NRXN3: variants seen among roughly 807,000 people sequenced by gnomAD.
NRXN3 encodes neurexin 3.
Under a neutral mutation model 137.6 loss-of-function variants are expected in NRXN3, and 32 were observed. That is an observed-to-expected ratio of 0.23 (90% CI 0.18 to 0.31). The LOEUF (loss-of-function observed/expected upper bound fraction) is 0.31, where lower values mean the gene tolerates loss of function less well. Ranked by LOEUF, NRXN3 falls within the 10% of genes least tolerant of loss-of-function variation. The pLI is 1.00. For missense variants in NRXN3, 1,574 were observed against 2,062.5 expected, an observed-to-expected ratio of 0.76 and a Z score of 4.59; for synonymous variants, 798 against 784.5, an observed-to-expected ratio of 1.02 and a Z score of -0.29.
intron 10 of NRXN3, among the ~76,000 whole-genome samples, chr14:78,921,144 T>C (rs1327040127): frequency 6.6e-6 from 1 of 152,236 alleles, no homozygotes; most frequent in African/African-American, 2.4e-5. Context: ...CCATGAGTTA[T>C]TTCATTAGGG....
chr14:79,658,423 G>A (rs221446), intron 16 of NRXN3, among the ~76,000 whole-genome samples: 36,889 of 152,024 alleles, frequency 0.24, 4,786 homozygotes, highest in Middle Eastern at 0.37. Context: ...TCAATGACCC[G>A]GAATGACAAA....
intron 4 of NRXN3, among the ~76,000 whole-genome samples, chr14:78,395,693 G>C (rs1295577939): frequency 1.3e-5 from 2 of 151,936 alleles, no homozygotes; most frequent in Admixed American, 1.3e-4. Context: ...TTGTTGTTTG[G>C]TACAGTTACA....
intron 17 of NRXN3, among the ~76,000 whole-genome samples, chr14:79,671,673 G>A (rs1483845447): frequency 2.0e-5 from 3 of 151,882 alleles, no homozygotes; most frequent in Admixed American, 2.0e-4. Context: ...GTTTTATCAA[G>A]GAAACTTCCT....
intron 15 of NRXN3, among the ~76,000 whole-genome samples, chr14:79,107,799 G>T (rs958010066): frequency 1.3e-5 from 2 of 152,128 alleles, no homozygotes; most frequent in Non-Finnish European, 2.9e-5. Flanking sequence ...AGATGGAGAA[G>T]ACTGGGGTAG....
intron 10 of NRXN3, among the ~76,000 whole-genome samples, chr14:78,845,906 G>T (rs1198269820): frequency 1.8e-5 from 1 of 56,652 alleles, no homozygotes; most frequent in East Asian, 6.1e-4. Flanking sequence ...GTATGTTGGG[G>T]TGTGTGTGTG....
intron 19 of NRXN3, among the ~76,000 whole-genome samples, chr14:79,797,864 G>A (rs2099165664): frequency 6.6e-6 from 1 of 152,086 alleles, no homozygotes; most frequent in South Asian, 2.1e-4. Flanking sequence ...AGCCCAAGGT[G>A]GGTGACTCGC....
chr14:78,732,369 A>G (rs2098520219), intron 8 of NRXN3, among the ~76,000 whole-genome samples: 1 of 152,206 alleles, frequency 6.6e-6, no homozygotes, highest in African/African-American at 2.4e-5. Context: ...ATGAACAATA[A>G]AACAGTCTAC....
chr14:79,211,525 C>G (rs2067659013), intron 15 of NRXN3, among the ~76,000 whole-genome samples: 1 of 152,082 alleles, frequency 6.6e-6, no homozygotes, highest in African/African-American at 2.4e-5. Context: ...TATTATTATT[C>G]CATGTTACCA....
chr14:78,471,925 A>G (rs1251992933), intron 4 of NRXN3, among the ~76,000 whole-genome samples: 2 of 152,214 alleles, frequency 1.3e-5, no homozygotes, highest in Non-Finnish European at 2.9e-5. Flanking sequence ...AACCTAAAAG[A>G]AAAGTCAAAC....
rs533212261 is a variant in NRXN3, at chr14:79,861,486, C to A, written c.4238C>A (p.Thr1413Lys). 1.6e-5 allele frequency: 25 copies of A among 1,538,158 alleles called. No individual in the cohort carries two copies. The African/African-American group carries it at 3.4e-4, about 21-fold the overall frequency. ...TTATCCCCTGAGCTGATCCGCTTCA[C>A]AGCTTCCTCCTCGTCTGGGATGGTG... The part of the protein sequence containing the change: ...TSLSPELIRF[T>K]ASSSSGMVPK... The change falls in exon 21 of 21, where the codon ACA (threonine) becomes AAA (lysine). Residue 1413 changes from threonine to lysine, a missense_variant. Physicochemically the swap from Thr to Lys is moderately conservative, Grantham distance 78 (BLOSUM62 -1). Around this residue, in one of 5 missense-constraint regions of NRXN3, gnomAD observed 320 missense variants for 387.1 expected, o/e 0.83. Transcript: ENST00000335750. This position sits in a 1 kb window ranked among gnomAD's most constrained non-coding sequence, Gnocchi z 5.4.
At chr14:78,311,714 G>A (rs1170528227) in intron 4 of NRXN3, among the ~76,000 whole-genome samples, 6 of 151,344 alleles carry the variant, frequency 4.0e-5, no homozygotes, top group Non-Finnish European at 5.9e-5. Context: ...TTCTTTCTTA[G>A]GTTTTTGATA....
chr14:79,292,380 G>A (rs181586427), intron 15 of NRXN3, among the ~76,000 whole-genome samples: 7 of 152,024 alleles, frequency 4.6e-5, no homozygotes, highest in Non-Finnish European at 7.4e-5. Context: ...CTAAGAATCC[G>A]TTTTTTTCAG....
intron 4 of NRXN3, among the ~76,000 whole-genome samples, chr14:78,419,987 G>C (rs1347612061): frequency 1.9e-3 from 7 of 3,646 alleles, no homozygotes; most frequent in Non-Finnish European, 8.1e-3. Context: ...ACACACACAC[G>C]TAAAGTCCTG....
In NRXN3 at chr14:79,201,406, T is replaced by A. The variant is rs185777897; in HGVS notation, c.3262+213265T>A. 2.0e-5 allele frequency: 3 copies of A among 152,306 alleles called. No individual in the cohort carries two copies. The East Asian group carries it at 5.8e-4, about 29-fold the overall frequency. 9.4% of individuals were successfully genotyped at this position (152,306 alleles called of 1,614,324 possible). On this transcript the variant is annotated intron_variant, in intron 15 of 20. Transcript: ENST00000335750. ...TAAGATATAAAATTAGCAATATTAT[T>A]TTTAAAAGGTTGTTAAAAGTCAAGG...
At chr14:79,500,477 A>C (rs766066132) in intron 16 of NRXN3, among the ~76,000 whole-genome samples, 85 of 152,188 alleles carry the variant, frequency 5.6e-4, no homozygotes, top group Non-Finnish European at 2.9e-4. Context: ...TTTTGTAAAG[A>C]CCAGTTAAAA....
chr14:79,309,080 C>T lies in NRXN3; in HGVS notation c.3263-158141C>T, dbSNP rs1243549074. On this transcript the variant is annotated intron_variant, in intron 15 of 20. Transcript: ENST00000335750. ...ATATCTCCCAATGCTATCCCTCCCCCCTCCCCCGACCCCACCACAGTCCCC... is the reference window on the plus strand; with the variant it reads ...ATATCTCCCAATGCTATCCCTCCCCTCTCCCCCGACCCCACCACAGTCCCC... Among the ~76,000 whole-genome samples the T allele has an allele frequency of 9.5e-3, 691 of 72,674 alleles. 22 individuals carry two copies. Among genetic ancestry groups the T allele is most frequent in the African/African-American group, 0.037 (640 of 17,228 alleles). The allele number at this position is 72,674 out of a possible 152,430, so 47.7% of individuals were successfully genotyped here.
chr14:79,543,937 A>G (rs1601879751), intron 16 of NRXN3, among the ~76,000 whole-genome samples: 1 of 152,204 alleles, frequency 6.6e-6, no homozygotes, highest in African/African-American at 2.4e-5. Flanking sequence ...ACAATGTGTG[A>G]GCTGCCATTT....
chr14:79,692,215 T>C lies in NRXN3; in HGVS notation c.3659T>C (p.Ile1220Thr). The change falls in exon 18 of 21, where the codon ATC becomes ACC. Residue 1220 changes from isoleucine to threonine, a missense_variant. Ile to Thr is a moderately conservative substitution (Grantham distance 89, BLOSUM62 -1). This residue lies in a region of NRXN3 where 133 missense variants were observed against 241.8 expected (regional missense o/e 0.55). Coordinates refer to ENST00000335750, the MANE Select transcript of NRXN3 (RefSeq NM_001330195.2). ...CGCTTCCAAATGGTAAAACAGAAAA[T>C]CCCCTTCAAATATAATCGGCCTGTA... ...NERFQMVKQK[I>T]PFKYNRPVEE... 2 of 1,609,744 alleles carry C rather than the reference T, an allele frequency of 1.2e-6. No homozygotes were observed. Among genetic ancestry groups the C allele is most frequent in the Non-Finnish European group, 8.5e-7 (1 of 1,178,056 alleles).
chr14:78,187,064 A>G (rs2060289112), intron 1 of NRXN3, among the ~76,000 whole-genome samples: 1 of 152,138 alleles, frequency 6.6e-6, no homozygotes, highest in Non-Finnish European at 1.5e-5. Context: ...CGGAGTTATC[A>G]AGGGGCTACT....
Sources: allele counts gnomAD v4.1 joint callset (sites outside exome capture counted in the v4.1 genomes callset), GRCh38; gene constraint gnomAD v4.1.1; regional missense constraint gnomAD v4.1.1; non-coding constraint Gnocchi (gnomAD v3.1); transcripts MANE v1.5; gene names NCBI Gene and HGNC (gene_info 2026-07-23, HGNC 2026-07-21).